Variants in UBR2 observed in about 807,000 individuals in gnomAD.
The protein encoded by UBR2 is ubiquitin protein ligase E3 component n-recognin 2, also known as E3 ubiquitin-protein ligase UBR2.
Under a neutral mutation model 247.9 loss-of-function variants are expected in UBR2, and 92 were observed. The ratio of observed to expected loss-of-function variants is 0.37; its 90% confidence interval spans 0.31 to 0.44. The LOEUF is 0.44. UBR2 is among the 20% of genes least tolerant of loss of function. UBR2 has a pLI of 1.00. For synonymous variants in UBR2, 672 were observed against 693.5 expected (o/e 0.97, Z 0.49); for missense variants, 1,613 against 2,112.6 (o/e 0.76, Z 4.64).
In UBR2 at chr6:42,564,158, G is replaced by T; in HGVS notation, c.-162G>T. On this transcript the variant is annotated 5_prime_UTR_variant, in exon 1 of 47. Coordinates refer to ENST00000372901, the MANE Select transcript of UBR2 (RefSeq NM_001363705.2). Reference sequence around the variant, plus strand: ...CAGGAGGCCGCTGTCCTTCCTTTCCGGTTCACGTCACCCTTCTCTCCCTCT... The same window carrying T: ...CAGGAGGCCGCTGTCCTTCCTTTCCTGTTCACGTCACCCTTCTCTCCCTCT... The T allele has an allele frequency of 2.7e-6, 2 of 750,582 alleles. No individual in the cohort carries two copies. Among genetic ancestry groups the T allele is most frequent in the Non-Finnish European group, 4.2e-6 (2 of 475,438 alleles). 46.5% of individuals were successfully genotyped at this position (750,582 alleles called of 1,614,324 possible).
At chr6:42,619,453 A>ATATATATATATATATTTT in intron 11 of UBR2, 1 of 23,728 alleles carries the variant, frequency 4.2e-5, no homozygotes, top group Admixed American at 8.3e-4. Flanking sequence ...ATATATATAT[A>ATATATATATATATATTTT]TTTTTTTTTT....
chr6:42,690,589 C>G lies in UBR2; in HGVS notation c.5127-443C>G, dbSNP rs75654007. On this transcript the variant is annotated intron_variant, in intron 46 of 46. Coordinates refer to ENST00000372901, the MANE Select transcript of UBR2 (RefSeq NM_001363705.2). ...AAGATTGCATCTGAGGAATGTTTTT[C>G]TTTTCTTTTCTTTTCTTTTTTCTTT... 3.8e-3 allele frequency among the ~76,000 whole-genome samples: 582 copies of G among 152,236 alleles called. 3 individuals are homozygous for G. Among genetic ancestry groups the G allele is most frequent in the Non-Finnish European group, 6.7e-3 (457 of 67,976 alleles).
chr6:42,579,102 G>A (rs9462810), intron 2 of UBR2, among the ~76,000 whole-genome samples: 99,836 of 151,962 alleles, frequency 0.66, 33,041 homozygotes, highest in African/African-American at 0.74. Context: ...AATTTATAAA[G>A]AAAAGAGGTT....
chr6:42,612,439 A>G, intron 8 of UBR2, 148 bp downstream of exon 8: 1 of 1,038,134 alleles, frequency 9.6e-7, no homozygotes, highest in Non-Finnish European at 1.3e-6. Context: ...CTTTATGCAT[A>G]GAAGAAAACC....
At chr6:42,630,975 T>G (rs938807967) in intron 11 of UBR2, among the ~76,000 whole-genome samples, 1 of 151,996 alleles carries the variant, frequency 6.6e-6, no homozygotes, top group African/African-American at 2.4e-5. Flanking sequence ...CCCAGCTAAT[T>G]GTTTTATTTT....
chr6:42,681,477 A>G (rs1799047743), intron 42 of UBR2, among the ~76,000 whole-genome samples: 1 of 152,208 alleles, frequency 6.6e-6, no homozygotes, highest in African/African-American at 2.4e-5. Flanking sequence ...CAAAGAAGAT[A>G]AATAGCCAAA....
intron 46 of UBR2, among the ~76,000 whole-genome samples, chr6:42,690,349 C>G (rs1799684752): frequency 6.6e-6 from 1 of 152,208 alleles, no homozygotes; most frequent in Non-Finnish European, 1.5e-5. Flanking sequence ...CCATATGCCA[C>G]CCAGTGCTGG....
At position 42,573,818 on chromosome 6, in the gene UBR2, A is replaced by C. The variant is rs1791321891; in HGVS notation, c.163A>C (p.Asn55His). The change falls in exon 2 of 47, where the codon AAC (asparagine) becomes CAC (histidine). Residue 55 changes from asparagine to histidine, a missense_variant. Asn to His is a moderately conservative substitution (Grantham distance 68). Around this residue, in one of 3 missense-constraint regions of UBR2, gnomAD observed 1,524 missense variants for 1,967.3 expected, o/e 0.77. Coordinates refer to ENST00000372901, the MANE Select transcript of UBR2 (RefSeq NM_001363705.2). ...ACCCAAAATCTACTGCAGGGGTCCC[A>C]ACCCTTTTCCACAGAAAGAAGACAT... is the stretch of plus-strand genomic sequence containing the variant. Reference protein sequence around the residue: ...YVPKIYCRGPNPFPQKEDMLA... With the variant: ...YVPKIYCRGPHPFPQKEDMLA... 2 of 1,613,920 alleles carry C rather than the reference A, an allele frequency of 1.2e-6. No individual in the cohort carries two copies. Among genetic ancestry groups the C allele is most frequent in the East Asian group, 4.5e-5 (2 of 44,846 alleles).
Position 42,586,651 on chromosome 6 carries a change from G to A in UBR2, c.339-5500G>A, listed in dbSNP as rs553447177. 2.8e-5 allele frequency among the ~76,000 whole-genome samples: 4 copies of A among 145,074 alleles called. No individual in the cohort carries two copies. In the South Asian group the frequency reaches 8.7e-4, roughly 32 times the overall value. On this transcript the variant is annotated intron_variant, in intron 2 of 46. Coordinates refer to ENST00000372901, the MANE Select transcript of UBR2 (RefSeq NM_001363705.2). ...TTTTGATTATTTTTTTGGCTCTTTA[G>A]CTGTTCTCTCACATTTTTTAAAATG...
intron 11 of UBR2, among the ~76,000 whole-genome samples, chr6:42,619,006 G>C (rs773390039): frequency 2.6e-5 from 4 of 152,218 alleles, no homozygotes; most frequent in Non-Finnish European, 5.9e-5. Context: ...AGTTCCAGAA[G>C]CCTCTGAGAT....
chr6:42,607,710 C>CTTTTTTT (rs1562303790), intron 7 of UBR2, among the ~76,000 whole-genome samples: 4 of 52,888 alleles, frequency 7.6e-5, no homozygotes, highest in Non-Finnish European at 1.1e-4. Flanking sequence ...CCACTCCCAG[C>CTTTTTTT]TGTTTTTTTT....
intron 38 of UBR2, among the ~76,000 whole-genome samples, chr6:42,675,238 C>A (rs1047078691): frequency 1.3e-5 from 2 of 152,206 alleles, no homozygotes; most frequent in Non-Finnish European, 2.9e-5. Context: ...AGGAGGCCAA[C>A]AGAGCTAGCA....
At chr6:42,592,709 T>C (rs1792746132) in intron 3 of UBR2, among the ~76,000 whole-genome samples, 2 of 152,146 alleles carry the variant, frequency 1.3e-5, no homozygotes, top group South Asian at 4.1e-4. Flanking sequence ...AGACAGACCA[T>C]GGAGATTCAA....
chr6:42,629,326 AAT>A (rs1795552505), intron 11 of UBR2, among the ~76,000 whole-genome samples: 3 of 150,642 alleles, frequency 2.0e-5, no homozygotes, highest in African/African-American at 7.3e-5. Context: ...TGATAGTGGT[AAT>A]GCTTTTTAAA....
chr6:42,659,579 T>C lies in UBR2; in HGVS notation c.3243-77T>C, dbSNP rs1262064381. Reference sequence around the variant, plus strand: ...CACACACACTACACACACACACACATACCTGTAGTCTGCTATTTTGTGATT... The same window carrying C: ...CACACACACTACACACACACACACACACCTGTAGTCTGCTATTTTGTGATT... On this transcript the variant is annotated intron_variant, in intron 29 of 46. Transcript: ENST00000372901. The surrounding 1 kb of genome is among the most constrained non-coding windows in gnomAD (Gnocchi z 4.3). The C allele has an allele frequency of 1.1e-5, 12 of 1,116,250 alleles. No individual in the cohort carries two copies. Among genetic ancestry groups the C allele is most frequent in the African/African-American group, 3.1e-5 (2 of 63,696 alleles). 69.1% of individuals were successfully genotyped at this position (1,116,250 alleles called of 1,614,324 possible). A position where few individuals can be genotyped will look rare whatever the true frequency, so the allele number is the denominator to read the frequency against.
intron 1 of UBR2, among the ~76,000 whole-genome samples, chr6:42,571,996 A>G (rs1023321596): frequency 6.6e-6 from 1 of 152,060 alleles, no homozygotes; most frequent in Non-Finnish European, 1.5e-5. Flanking sequence ...GAAGGGAGAG[A>G]ATACTTAAAG....
At chr6:42,669,538 G>A (rs1369021308) in intron 34 of UBR2, among the ~76,000 whole-genome samples, 1 of 151,926 alleles carries the variant, frequency 6.6e-6, no homozygotes. Flanking sequence ...CCTGAGTTCT[G>A]TTTCTCTGCT....
rs1388984360 is a variant in UBR2, at chr6:42,678,677, A to G, written c.4609+8A>G. 6 of 1,605,760 alleles carry G rather than the reference A, an allele frequency of 3.7e-6. No individual in the cohort carries two copies. Among genetic ancestry groups the G allele is most frequent in the Non-Finnish European group, 5.1e-6 (6 of 1,177,556 alleles). On this transcript the variant is annotated splice_region_variant and intron_variant, in intron 41 of 46. Coordinates refer to ENST00000372901, the MANE Select transcript of UBR2 (RefSeq NM_001363705.2). ...CCCCACCCGACATTCAAGGTAATTT[A>G]TACTTTCTTTCAAAACGTAGGGAGA...
chr6:42,625,221 T>G (rs1258270936), intron 11 of UBR2, among the ~76,000 whole-genome samples: 1 of 152,198 alleles, frequency 6.6e-6, no homozygotes, highest in South Asian at 2.1e-4. Context: ...CAGTTAAAAT[T>G]TTTAATAGGA....
Sources: allele counts gnomAD v4.1 joint callset (sites outside exome capture counted in the v4.1 genomes callset), GRCh38; gene constraint gnomAD v4.1.1; regional missense constraint gnomAD v4.1.1; non-coding constraint Gnocchi (gnomAD v3.1); transcripts MANE v1.5; gene names NCBI Gene and HGNC (gene_info 2026-07-23, HGNC 2026-07-21).